RBFOX3: variants seen among roughly 807,000 people sequenced by gnomAD.
The protein encoded by RBFOX3 is RNA binding protein fox-1 homolog 3.
RBFOX3 carries 17 observed loss-of-function variants against 48.7 expected under a neutral mutation model. The ratio of observed to expected loss-of-function variants is 0.35; its 90% confidence interval spans 0.24 to 0.52. The LOEUF is 0.52. Among genes scored for constraint, RBFOX3 ranks in the 20% least tolerant of loss-of-function variants. The pLI is 0.94. For missense variants in RBFOX3, 382 were observed against 497.5 expected (o/e 0.77, Z 2.21); for synonymous variants, 212 against 209.5 (o/e 1.01, Z -0.10).
At chr17:79,326,914 T>C (rs1323827191) in intron 2 of RBFOX3, among the ~76,000 whole-genome samples, 1 of 152,210 alleles carries the variant, frequency 6.6e-6, no homozygotes, top group African/African-American at 2.4e-5. Flanking sequence ...AAACAGATAA[T>C]TTTAACCCCA....
At chr17:79,621,370 G>T in the RBFOX3 span, among the ~76,000 whole-genome samples, 1 of 152,184 alleles carries the variant, frequency 6.6e-6, no homozygotes, top group African/African-American at 2.4e-5. Context: ...GGGGGAAACC[G>T]TTGAGCAGGA....
intron 3 of RBFOX3, among the ~76,000 whole-genome samples, chr17:79,274,018 G>C (rs1245467234): frequency 6.6e-6 from 1 of 152,174 alleles, no homozygotes; most frequent in Non-Finnish European, 1.5e-5. Flanking sequence ...TGGCCTTGTG[G>C]AGAGACGGTT....
intron 3 of RBFOX3, among the ~76,000 whole-genome samples, chr17:79,236,685 C>T (rs765736392): frequency 1.1e-4 from 16 of 152,172 alleles, no homozygotes; most frequent in Non-Finnish European, 1.9e-4. Flanking sequence ...CTCAGTGATA[C>T]GGACAGACTG....
Position 79,195,756 on chromosome 17 carries a change from G to C in RBFOX3, c.-34+40010C>G, listed in dbSNP as rs2055457576. Among the ~76,000 whole-genome samples the C allele has an allele frequency of 6.6e-6, 1 of 152,200 alleles. No homozygotes were observed. The highest frequency in any genetic ancestry group is 1.5e-5 in the Non-Finnish European group (1 of 68,040). The stretch of plus-strand genomic sequence containing the variant: ...AACCAGCACTCTGTTTTGGGGTTTG[G>C]GGATGAGCTCACAGGCAAATACTTC... On this transcript the variant is annotated intron_variant, in intron 4 of 14. Transcript: ENST00000693108. The surrounding 1 kb of genome is among the most constrained non-coding windows in gnomAD (Gnocchi z 5.3).
At chr17:79,310,900 C>T (rs879790035) in intron 2 of RBFOX3, among the ~76,000 whole-genome samples, 5 of 152,282 alleles carry the variant, frequency 3.3e-5, no homozygotes, top group Admixed American at 1.3e-4. Flanking sequence ...CAGTGTTATG[C>T]GTCCACTTGG....
intron 2 of RBFOX3, among the ~76,000 whole-genome samples, chr17:79,430,698 C>A (rs1249724321): frequency 6.6e-6 from 1 of 152,154 alleles, no homozygotes; most frequent in Non-Finnish European, 1.5e-5. Flanking sequence ...GTATGCAGCA[C>A]CACACCCAGC....
At chr17:79,097,472 C>T (rs1159985996) in intron 10 of RBFOX3, 48 bp from the exon 11 acceptor site, 1 of 1,491,160 alleles carries the variant, frequency 6.7e-7, no homozygotes, top group Non-Finnish European at 9.0e-7. Flanking sequence ...CAAGGGGACC[C>T]ACCTGGCACC....
the RBFOX3 span, among the ~76,000 whole-genome samples, chr17:79,624,611 A>G: frequency 6.6e-6 from 1 of 152,060 alleles, no homozygotes; most frequent in Non-Finnish European, 1.5e-5. Flanking sequence ...GGTGCCTAGC[A>G]CCACCTCAGT....
intron 2 of RBFOX3, among the ~76,000 whole-genome samples, chr17:79,381,347 G>A (rs1036641900): frequency 9.9e-5 from 15 of 152,234 alleles, no homozygotes; most frequent in Admixed American, 9.8e-4. Flanking sequence ...TTGTCAGGTC[G>A]ACATGTGATC....
At chr17:79,487,996 G>C (rs545525959) in intron 1 of RBFOX3, among the ~76,000 whole-genome samples, 53 of 151,276 alleles carry the variant, frequency 3.5e-4, no homozygotes, top group African/African-American at 1.2e-3. Context: ...ATCTGACGAC[G>C]GGATGGTCTT....
At position 79,097,390 on chromosome 17, in the gene RBFOX3, G is replaced by C. The variant is rs925521413; in HGVS notation, c.657C>G (p.Ala219=). The C allele has an allele frequency of 6.5e-6, 10 of 1,547,964 alleles. No homozygotes were observed. The highest frequency in any genetic ancestry group is 8.7e-6 in the Non-Finnish European group (10 of 1,145,960). ...GAAGATGTGCGCCCCGGTAGGCAAC[G>C]GCTGTGCCGGTGGTGGGGTAGGGGA... The part of the protein sequence containing the change: ...TGFPYPTTGT[A]VAYRGAHLRG... The change falls in exon 11 of 15, where the codon GCC becomes GCG. Residue 219 remains alanine, a synonymous_variant. Coordinates refer to ENST00000693108, the MANE Select transcript of RBFOX3 (RefSeq NM_001350451.2).
intron 2 of RBFOX3, among the ~76,000 whole-genome samples, chr17:79,459,471 G>A (rs2075078988): frequency 1.3e-5 from 2 of 152,182 alleles, no homozygotes; most frequent in South Asian, 4.1e-4. Context: ...GGGGCGGATG[G>A]CACTGGGCAA....
In RBFOX3 at chr17:79,111,569, G is replaced by A. The variant is rs1353091667; in HGVS notation, c.222+3925C>T. On this transcript the variant is annotated intron_variant, in intron 5 of 14. Transcript: ENST00000693108. This position sits in a 1 kb window ranked among gnomAD's most constrained non-coding sequence, Gnocchi z 4.2. ...TCCTGCCTCAGCCTCCCGGGCAGCT[G>A]GGATTACAGGCACGAGCCACCATGC... is the stretch of plus-strand genomic sequence containing the variant. Among the ~76,000 whole-genome samples, 2 of 152,212 alleles carry A rather than the reference G, an allele frequency of 1.3e-5. No individual in the cohort carries two copies. The highest frequency in any genetic ancestry group is 4.8e-5 in the African/African-American group (2 of 41,456).
At chr17:79,287,756 G>T (rs1567980694) in intron 3 of RBFOX3, among the ~76,000 whole-genome samples, 1 of 152,176 alleles carries the variant, frequency 6.6e-6, no homozygotes, top group Non-Finnish European at 1.5e-5. Flanking sequence ...GCCCACAGGG[G>T]TCCAGGCAGG....
intron 1 of RBFOX3, among the ~76,000 whole-genome samples, chr17:79,555,518 T>C (rs1436229182): frequency 1.7e-4 from 8 of 47,408 alleles, no homozygotes; most frequent in Non-Finnish European, 1.3e-4. Flanking sequence ...GTGATGGTGG[T>C]GGTGATGGTA....
intron 2 of RBFOX3, among the ~76,000 whole-genome samples, chr17:79,413,040 TAAG>T (rs1009887588): frequency 6.6e-6 from 1 of 152,126 alleles, no homozygotes; most frequent in African/African-American, 2.4e-5. Flanking sequence ...CCATCTCTCC[TAAG>T]AAGGAAAATT....
chr17:79,422,234 G>A (rs1273581266), intron 2 of RBFOX3, among the ~76,000 whole-genome samples: 2 of 152,050 alleles, frequency 1.3e-5, no homozygotes, highest in African/African-American at 2.4e-5. Context: ...GGACGGGCAC[G>A]CGGGGAGGGC....
At chr17:79,446,430 T>C (rs1341343811) in intron 2 of RBFOX3, among the ~76,000 whole-genome samples, 3 of 152,140 alleles carry the variant, frequency 2.0e-5, no homozygotes, top group East Asian at 1.9e-4. Context: ...TCCACCCCTA[T>C]TGAGGCAGGA....
intron 1 of RBFOX3, among the ~76,000 whole-genome samples, chr17:79,500,999 G>A (rs943000151): frequency 1.4e-4 from 21 of 152,170 alleles, no homozygotes; most frequent in East Asian, 1.9e-4. Context: ...AATCACTGCC[G>A]AGGGGAGATT....
Sources: gnomAD v4.1 joint callset for allele counts (sites outside exome capture counted in the v4.1 genomes callset) on GRCh38, gnomAD v4.1.1 for gene constraint, Gnocchi (gnomAD v3.1) non-coding constraint, MANE v1.5 for transcripts, NCBI Gene and HGNC (gene_info 2026-07-23, HGNC 2026-07-21) for gene names.